CHIC2: variants seen among roughly 807,000 people sequenced by gnomAD.
CHIC2 encodes cysteine-rich hydrophobic domain-containing protein 2.
In CHIC2, 14 loss-of-function variants were observed where a neutral mutation model predicts 25.9. The ratio of observed to expected loss-of-function variants is 0.54; its 90% CI spans 0.36 to 0.85. The LOEUF (loss-of-function observed/expected upper bound fraction) is 0.85, where lower values mean the gene tolerates loss of function less well. Ranked by LOEUF, CHIC2 falls within the 40% of genes least tolerant of loss-of-function variation. The pLI is 0.01. For missense variants in CHIC2, 146 were observed against 202.0 expected, an observed-to-expected ratio of 0.72 and a Z score of 1.68; for synonymous variants, 70 against 72.0, an observed-to-expected ratio of 0.97 and a Z score of 0.14.
intron 3 of CHIC2, among the ~76,000 whole-genome samples, chr4:54,043,576 T>C (rs1365899054): frequency 6.6e-6 from 1 of 151,724 alleles, no homozygotes; most frequent in Non-Finnish European, 1.5e-5. Flanking sequence ...GAAGGAGAAA[T>C]AAAATACTTT....
chr4:54,075,747 T>G, the CHIC2 span, among the ~76,000 whole-genome samples: 93 of 152,140 alleles, frequency 6.1e-4, no homozygotes, highest in African/African-American at 2.2e-3. Flanking sequence ...AGAGATGAGG[T>G]TTCACCATTT....
intron 3 of CHIC2, among the ~76,000 whole-genome samples, chr4:54,046,959 G>A (rs1418110578): frequency 7.2e-5 from 11 of 151,882 alleles, no homozygotes; most frequent in Admixed American, 1.3e-4. Flanking sequence ...ACAAGAAAAA[G>A]CAAACAACCC....
chr4:54,083,711 A>T, the CHIC2 span, among the ~76,000 whole-genome samples: 28 of 152,162 alleles, frequency 1.8e-4, no homozygotes, highest in African/African-American at 5.8e-4. Context: ...TATCATTTCA[A>T]GTCTGGACTT....
chr4:54,082,519 T>C, the CHIC2 span, among the ~76,000 whole-genome samples: 1 of 152,226 alleles, frequency 6.6e-6, no homozygotes, highest in Non-Finnish European at 1.5e-5. Flanking sequence ...TCCATCAGGA[T>C]TTCCCTACTC....
chr4:54,050,111 C>T (rs928478214), intron 1 of CHIC2, among the ~76,000 whole-genome samples: 1 of 152,118 alleles, frequency 6.6e-6, no homozygotes, highest in Non-Finnish European at 1.5e-5. Context: ...ATTCAAATCA[C>T]AACTACTGAG....
the CHIC2 span, among the ~76,000 whole-genome samples, chr4:54,077,988 T>C: frequency 6.6e-6 from 1 of 152,226 alleles, no homozygotes; most frequent in Non-Finnish European, 1.5e-5. Context: ...TTTTAGATGC[T>C]TTAGGAATGA....
chr4:54,019,663 T>A (rs887741335), intron 3 of CHIC2, among the ~76,000 whole-genome samples: 1 of 152,206 alleles, frequency 6.6e-6, no homozygotes, highest in African/African-American at 2.4e-5. Context: ...ATCTACTAAC[T>A]CTGAGTACCA....
At chr4:54,073,054 C>T in the CHIC2 span, among the ~76,000 whole-genome samples, 5 of 151,380 alleles carry the variant, frequency 3.3e-5, no homozygotes, top group African/African-American at 1.2e-4. Flanking sequence ...GGTGACAGAG[C>T]GAGACTCCGT....
At chr4:54,070,547 T>C in the CHIC2 span, among the ~76,000 whole-genome samples, 1 of 152,048 alleles carries the variant, frequency 6.6e-6, no homozygotes, top group Non-Finnish European at 1.5e-5. Flanking sequence ...CTCAGCCTCC[T>C]GAGTAGTTGG....
the CHIC2 span, among the ~76,000 whole-genome samples, chr4:54,088,782 C>T: frequency 1.3e-4 from 20 of 152,284 alleles, no homozygotes; most frequent in Admixed American, 9.8e-4. Flanking sequence ...GGCTTGGACC[C>T]GTGCGATAGT....
At chr4:54,043,420 C>CAAAAAA (rs902677237) in intron 3 of CHIC2, among the ~76,000 whole-genome samples, 5 of 55,850 alleles carry the variant, frequency 9.0e-5, no homozygotes, top group East Asian at 5.7e-4. Flanking sequence ...GACTCCATTT[C>CAAAAAA]AAAAAAAAAA....
intron 3 of CHIC2, among the ~76,000 whole-genome samples, chr4:54,014,450 C>T (rs17083853): frequency 0.062 from 9,396 of 151,960 alleles, 978 homozygotes; most frequent in African/African-American, 0.21. Context: ...TAAATAGTAA[C>T]GGAAGTTCCT....
At chr4:54,073,363 C>T in the CHIC2 span, among the ~76,000 whole-genome samples, 1 of 152,146 alleles carries the variant, frequency 6.6e-6, no homozygotes, top group African/African-American at 2.4e-5. Context: ...ATAGAGGTGA[C>T]CTGTGTGACC....
At chr4:54,033,312 C>A (rs1169861073) in intron 3 of CHIC2, among the ~76,000 whole-genome samples, 1 of 152,130 alleles carries the variant, frequency 6.6e-6, no homozygotes, top group Non-Finnish European at 1.5e-5. Context: ...TGTTGAGCAT[C>A]TGAAAAAATG....
upstream of CHIC2, among the ~76,000 whole-genome samples, chr4:54,067,779 A>T (rs1436477078): frequency 6.6e-6 from 1 of 152,162 alleles, no homozygotes; most frequent in Non-Finnish European, 1.5e-5. Flanking sequence ...AAAACTTCCC[A>T]GTTCCATTTC....
At chr4:54,051,831 G>A (rs1451481803) in intron 1 of CHIC2, among the ~76,000 whole-genome samples, 1 of 152,034 alleles carries the variant, frequency 6.6e-6, no homozygotes, top group Non-Finnish European at 1.5e-5. Flanking sequence ...CTCAATGTCT[G>A]ATGGCATCTA....
chr4:54,049,188 A>G, intron 2 of CHIC2, 63 bp downstream of exon 2: 2 of 1,557,894 alleles, frequency 1.3e-6, no homozygotes, highest in South Asian at 1.2e-5. Flanking sequence ...ACTTTTTTCT[A>G]ATTTTCTCAG....
At chr4:54,024,975 C>T (rs1398943539) in intron 3 of CHIC2, among the ~76,000 whole-genome samples, 2 of 152,254 alleles carry the variant, frequency 1.3e-5, no homozygotes, top group East Asian at 1.9e-4. Flanking sequence ...GGTTCCCACG[C>T]CGCCCCTAAT....
chr4:54,087,819 A>C, the CHIC2 span: 1 of 394,226 alleles, frequency 2.5e-6, no homozygotes, highest in Non-Finnish European at 4.8e-6. Flanking sequence ...TATTTCCCTG[A>C]GATCTGGAAA....
Sources: gnomAD v4.1 joint callset for allele counts (sites outside exome capture counted in the v4.1 genomes callset) on GRCh38, gnomAD v4.1.1 for gene constraint, MANE v1.5 for transcripts, NCBI Gene and HGNC (gene_info 2026-07-23, HGNC 2026-07-21) for gene names.